The following RPS6KA2 variants were observed in gnomAD, a reference collection of about 807,000 sequenced individuals.
The protein encoded by RPS6KA2 is ribosomal protein S6 kinase alpha-2.
In RPS6KA2, 42 loss-of-function variants were observed where a neutral mutation model predicts 91.8. The observed-to-expected ratio is 0.46, with a 90% CI of 0.36 to 0.59. RPS6KA2 has a LOEUF of 0.59. Among genes scored for constraint, RPS6KA2 ranks in the 20% least tolerant of loss-of-function variants. RPS6KA2 has a pLI of 0.00. For missense variants in RPS6KA2, 798 were observed against 978.5 expected (o/e 0.82, Z 2.46); for synonymous variants, 414 against 393.6 (o/e 1.05, Z -0.61).
intron 2 of RPS6KA2, among the ~76,000 whole-genome samples, chr6:166,667,878 CT>C (rs1283590770): frequency 6.6e-6 from 1 of 152,196 alleles, no homozygotes; most frequent in Non-Finnish European, 1.5e-5. Flanking sequence ...CTGCCAGACT[CT>C]GAAACCCCTG....
rs540391944 is a variant in RPS6KA2, at chr6:166,430,562, C to A, written c.1472G>T (p.Gly491Val). 1 of 1,614,014 alleles carries A rather than the reference C, an allele frequency of 6.2e-7. No individual in the cohort carries two copies. Among genetic ancestry groups the A allele is most frequent in the Non-Finnish European group, 8.5e-7 (1 of 1,179,974 alleles). Residue 491 changes from glycine to valine, a missense_variant, in exon 16 of 21, where the codon GGT becomes GTT. Transcript: ENST00000265678. ...GAGGATGCGGTCCAGGAGCTCCCCA[C>A]CACGCATCAGCTCCATTACCAGGTA... ...FVYLVMELMRGGELLDRILRQ... is the reference protein window; with the variant it reads ...FVYLVMELMRVGELLDRILRQ...
chr6:166,685,956 G>A (rs1788998734), intron 2 of RPS6KA2, among the ~76,000 whole-genome samples: 1 of 152,206 alleles, frequency 6.6e-6, no homozygotes, highest in South Asian at 2.1e-4. Context: ...GAGGGAGGGG[G>A]ACAGAGGGCG....
At chr6:166,791,349 A>C (rs1779083073) in intron 2 of RPS6KA2, among the ~76,000 whole-genome samples, 1 of 152,140 alleles carries the variant, frequency 6.6e-6, no homozygotes, top group African/African-American at 2.4e-5. Context: ...ATACAGGAGC[A>C]CCCAGATTCA....
At chr6:166,455,587 T>A (rs1347750490) in intron 12 of RPS6KA2, among the ~76,000 whole-genome samples, 1 of 152,184 alleles carries the variant, frequency 6.6e-6, no homozygotes, top group Non-Finnish European at 1.5e-5. Context: ...CGCTCCAGAC[T>A]AGCGAAGCGT....
intron 2 of RPS6KA2, among the ~76,000 whole-genome samples, chr6:166,688,411 G>C (rs1374293246): frequency 1.3e-5 from 2 of 152,332 alleles, no homozygotes; most frequent in East Asian, 3.9e-4. Flanking sequence ...GGCCTTGCCA[G>C]GGGCACATTT....
chr6:166,760,400 C>A (rs372217314), intron 2 of RPS6KA2, among the ~76,000 whole-genome samples: 46 of 152,222 alleles, frequency 3.0e-4, no homozygotes, highest in African/African-American at 1.0e-3. Flanking sequence ...TCAAGCAAAG[C>A]AATTGAACTA....
Position 166,531,235 on chromosome 6 carries a change from T to C in RPS6KA2, c.295A>G (p.Lys99Glu), listed in dbSNP as rs1310193297. Reference protein sequence around the residue: ...AMKVLKKATLKVRDRVRSKME... With the variant: ...AMKVLKKATLEVRDRVRSKME... ...CCGGCCCTTCCGAAGCTCTTACCTTTTAGGGTGGCTTTCTTAAGGACCTTC... is the reference window on the plus strand; with the variant it reads ...CCGGCCCTTCCGAAGCTCTTACCTTCTAGGGTGGCTTTCTTAAGGACCTTC... The change falls in exon 3 of 21, where the codon AAA becomes GAA. Residue 99 changes from lysine (K) to glutamate (E), a missense_variant. Coordinates refer to ENST00000265678, the MANE Select transcript of RPS6KA2 (RefSeq NM_021135.6). 3 of 1,613,142 alleles carry C rather than the reference T, an allele frequency of 1.9e-6. No individual in the cohort carries two copies. The South Asian group carries it at 3.3e-5, about 18-fold the overall frequency.
intron 2 of RPS6KA2, among the ~76,000 whole-genome samples, chr6:166,741,332 G>A (rs992344975): frequency 2.0e-5 from 3 of 152,276 alleles, no homozygotes; most frequent in South Asian, 4.2e-4. Flanking sequence ...CAAAGGGAAC[G>A]TCAGCTTTAT....
rs1390642107 is a variant in RPS6KA2 at position 166,590,148 on chromosome 6, CTA to C, written c.99+36771_99+36772del. ...GCAAGCATCATCGGGATGATAAAGACTAAATCTATTTGATTAGAGCAGCCTTC... is the reference window on the plus strand; with the variant it reads ...GCAAGCATCATCGGGATGATAAAGACAATCTATTTGATTAGAGCAGCCTTC... On this transcript the variant is annotated intron_variant, in intron 1 of 20. Transcript: ENST00000265678. 3.3e-5 allele frequency among the ~76,000 whole-genome samples: 5 copies of C among 152,322 alleles called. No individual in the cohort carries two copies. In the South Asian group the frequency reaches 8.3e-4, roughly 25 times the overall value.
intron 1 of RPS6KA2, among the ~76,000 whole-genome samples, chr6:166,544,184 AG>A (rs1375863025): frequency 6.6e-6 from 1 of 152,262 alleles, no homozygotes; most frequent in Non-Finnish European, 1.5e-5. Context: ...TACTTGATCC[AG>A]GACTTTCGGT....
At chr6:166,580,690 G>A (rs967039483) in intron 1 of RPS6KA2, among the ~76,000 whole-genome samples, 1 of 151,398 alleles carries the variant, frequency 6.6e-6, no homozygotes, top group African/African-American at 2.4e-5. Flanking sequence ...CCCTCAGTGG[G>A]TCCCCAGTGA....
In RPS6KA2 at chr6:166,423,798, T is replaced by C. The variant is rs1778815507; in HGVS notation, c.1582-381A>G. 1 of 174,102 alleles carries C rather than the reference T, an allele frequency of 5.7e-6. No individual in the cohort carries two copies. Among genetic ancestry groups the C allele is most frequent in the Non-Finnish European group, 1.2e-5 (1 of 81,842 alleles). 10.8% of individuals were successfully genotyped at this position (174,102 alleles called of 1,614,324 possible). A position where few individuals can be genotyped will look rare whatever the true frequency, so the allele number is the denominator to read the frequency against. ...AAGATGATATTCATTCAATAACTAC[T>C]CCCTGTGTGCCCACCCCCATGCACT... On this transcript the variant is annotated intron_variant, in intron 16 of 20. Coordinates refer to ENST00000265678, the MANE Select transcript of RPS6KA2 (RefSeq NM_021135.6). The surrounding 1 kb of genome is among the most constrained non-coding windows in gnomAD (Gnocchi z 4.8).
intron 10 of RPS6KA2, among the ~76,000 whole-genome samples, chr6:166,478,815 A>G (rs1240820066): frequency 6.6e-6 from 1 of 152,176 alleles, no homozygotes; most frequent in Non-Finnish European, 1.5e-5. Context: ...GACCCATTAC[A>G]GTGCTTCCCA....
chr6:166,472,779 G>A (rs1480473919), intron 10 of RPS6KA2, among the ~76,000 whole-genome samples: 1 of 152,144 alleles, frequency 6.6e-6, no homozygotes, highest in Admixed American at 6.5e-5. Flanking sequence ...CGGCTGGCTC[G>A]CTACGGGATG....
At chr6:166,443,517 ACTC>A (rs1326245114) in intron 14 of RPS6KA2, among the ~76,000 whole-genome samples, 2 of 152,058 alleles carry the variant, frequency 1.3e-5, no homozygotes, top group Admixed American at 1.3e-4. Context: ...GGAGAGACAG[ACTC>A]CTCACATGGA....
intron 2 of RPS6KA2, among the ~76,000 whole-genome samples, chr6:166,843,800 CAT>C (rs982557951): frequency 6.6e-6 from 1 of 152,176 alleles, no homozygotes; most frequent in Non-Finnish European, 1.5e-5. Flanking sequence ...TTCCCTCAGA[CAT>C]AGTCTACCCA....
intron 2 of RPS6KA2, among the ~76,000 whole-genome samples, chr6:166,721,589 C>T (rs1790174373): frequency 6.6e-6 from 1 of 152,230 alleles, no homozygotes; most frequent in African/African-American, 2.4e-5. Context: ...GCTAGAGCTT[C>T]GTAAAGCTAG....
chr6:166,570,386 A>C (rs7760101), intron 1 of RPS6KA2, among the ~76,000 whole-genome samples: 9,839 of 151,816 alleles, frequency 0.065, 816 homozygotes, highest in African/African-American at 0.19. Flanking sequence ...AGCTGCACCC[A>C]CTCCCCACAG....
intron 2 of RPS6KA2, among the ~76,000 whole-genome samples, chr6:166,763,196 C>T (rs1310179046): frequency 2.0e-5 from 3 of 152,184 alleles, no homozygotes; most frequent in African/African-American, 4.8e-5. Flanking sequence ...AGATGGCATT[C>T]GCTTAGCATG....
Sources: allele counts gnomAD v4.1 joint callset (sites outside exome capture counted in the v4.1 genomes callset), GRCh38; gene constraint gnomAD v4.1.1; non-coding constraint Gnocchi (gnomAD v3.1); transcripts MANE v1.5; gene names NCBI Gene and HGNC (gene_info 2026-07-23, HGNC 2026-07-21).